The following MYL10 variants were observed in gnomAD, a reference collection of about 807,000 sequenced individuals.
MYL10 encodes the protein myosin regulatory light chain 10.
In MYL10, 18 loss-of-function variants were observed where a neutral mutation model predicts 21.9. The observed-to-expected ratio is 0.82, with a 90% CI of 0.57 to 1.22. The LOEUF is 1.22. MYL10 is among the 50% of genes most tolerant of loss of function. The pLI is 0.00. For synonymous variants in MYL10, 88 were observed against 82.8 expected, an observed-to-expected ratio of 1.06 and a Z score of -0.34; for missense variants, 225 against 230.4, an observed-to-expected ratio of 0.98 and a Z score of 0.15.
intron 6 of MYL10, among the ~76,000 whole-genome samples, chr7:101,614,008 A>G (rs1173974788): frequency 9.2e-5 from 14 of 152,096 alleles, no homozygotes; most frequent in Admixed American, 9.2e-4. Context: ...CAAGCTCTGG[A>G]TCATTGAGGG....
intron 5 of MYL10, among the ~76,000 whole-genome samples, chr7:101,618,742 G>A (rs950290814): frequency 6.6e-6 from 1 of 151,264 alleles, no homozygotes; most frequent in Non-Finnish European, 1.5e-5. Context: ...AGCCTCTCAC[G>A]CAGTCTGGCC....
At chr7:101,613,858 C>A (rs893044774) in intron 6 of MYL10, 148 bp from the exon 7 acceptor site, 4 of 729,862 alleles carry the variant, frequency 5.5e-6, no homozygotes, top group African/African-American at 5.3e-5. Flanking sequence ...GCCAGCCCCC[C>A]CGATGGCCAA....
chr7:101,615,308 G>A (rs1796596298), intron 6 of MYL10, among the ~76,000 whole-genome samples: 1 of 151,880 alleles, frequency 6.6e-6, no homozygotes, highest in Non-Finnish European at 1.5e-5. Flanking sequence ...CCATCTCGAC[G>A]GCCATGACCC....
At chr7:101,615,601 C>CCT (rs1554352177) in intron 6 of MYL10, among the ~76,000 whole-genome samples, 1 of 143,456 alleles carries the variant, frequency 7.0e-6, no homozygotes, top group Non-Finnish European at 1.5e-5. Context: ...CTGTTCCCCC[C>CCT]CTAGCCTGGG....
intron 5 of MYL10, among the ~76,000 whole-genome samples, chr7:101,617,777 C>T (rs1796625422): frequency 6.6e-6 from 1 of 151,632 alleles, no homozygotes; most frequent in Admixed American, 6.6e-5. Flanking sequence ...CCTCTCCCAT[C>T]AAACTGGATC....
At chr7:101,619,385 C>T (rs1445969372) in intron 5 of MYL10, among the ~76,000 whole-genome samples, 1 of 152,194 alleles carries the variant, frequency 6.6e-6, no homozygotes, top group Non-Finnish European at 1.5e-5. Flanking sequence ...GATGAGCCTG[C>T]CCTCCCCAGC....
chr7:101,624,158 G>A lies in MYL10; in HGVS notation c.171+14C>T, dbSNP rs1432759306. The A allele has an allele frequency of 6.4e-7, 1 of 1,561,238 alleles. No individual in the cohort carries two copies. Among genetic ancestry groups the A allele is most frequent in the Non-Finnish European group, 8.8e-7 (1 of 1,134,116 alleles). ...AAGAATCCTCATAACAGCCCCATGG[G>A]GCAGCAGACCAACCTCTTTAAACTC... On this transcript the variant is annotated intron_variant, in intron 2 of 7. Transcript: ENST00000223167.
chr7:101,626,113 A>G (rs1178838154), intron 1 of MYL10, among the ~76,000 whole-genome samples: 2 of 152,202 alleles, frequency 1.3e-5, no homozygotes, highest in African/African-American at 4.8e-5. Flanking sequence ...TCAGGGAAGA[A>G]GGGGGGGTCA....
At position 101,617,420 on chromosome 7, in the gene MYL10, A is replaced by C. The variant is rs113713637; in HGVS notation, c.455-1122T>G. On this transcript the variant is annotated intron_variant, in intron 5 of 7. Transcript: ENST00000223167. ...GGTTTATCATAGAAAAAACAGGCTC[A>C]GAGATGTTTCATTACTTGCCCAAGT... Among the ~76,000 whole-genome samples the C allele has an allele frequency of 5.2e-3, 796 of 152,344 alleles. 8 individuals are homozygous for C. Among genetic ancestry groups the C allele is most frequent in the African/African-American group, 0.018 (748 of 41,582 alleles).
At chr7:101,626,334 G>A (rs1344819577) in intron 1 of MYL10, among the ~76,000 whole-genome samples, 1 of 152,216 alleles carries the variant, frequency 6.6e-6, no homozygotes, top group East Asian at 1.9e-4. Context: ...TGGTCCCCAA[G>A]AAGATCACAG....
chr7:101,618,133 C>G (rs532100378), intron 5 of MYL10, among the ~76,000 whole-genome samples: 43 of 152,386 alleles, frequency 2.8e-4, no homozygotes, highest in African/African-American at 1.0e-3. Flanking sequence ...AAACCTGGCA[C>G]ACACTGGCCT....
intron 5 of MYL10, 35 bp from the exon 6 acceptor site, chr7:101,616,333 A>G (rs1796609531): frequency 6.4e-7 from 1 of 1,555,620 alleles, no homozygotes; most frequent in Non-Finnish European, 8.9e-7. Context: ...GGAGAGAGGC[A>G]GGTGAAGAGG....
intron 5 of MYL10, among the ~76,000 whole-genome samples, chr7:101,621,529 A>T (rs1188206206): frequency 6.6e-6 from 1 of 152,098 alleles, no homozygotes; most frequent in African/African-American, 2.4e-5. Context: ...GTAGGGAGGC[A>T]GCATGGCTGG....
chr7:101,616,406 C>G, intron 5 of MYL10, 108 bp from the exon 6 acceptor site: 1 of 784,602 alleles, frequency 1.3e-6, no homozygotes, highest in South Asian at 1.6e-5. Flanking sequence ...CCCACGGCCC[C>G]TGCACAGAGG....
chr7:101,615,417 C>T (rs992241295), intron 6 of MYL10, among the ~76,000 whole-genome samples: 3 of 151,560 alleles, frequency 2.0e-5, no homozygotes, highest in South Asian at 2.1e-4. Flanking sequence ...CCAGGGCAGA[C>T]GCAGGGTCCA....
chr7:101,616,115 A>G (rs1796606343), intron 6 of MYL10, 105 bp downstream of exon 6: 2 of 893,548 alleles, frequency 2.2e-6, no homozygotes, highest in Middle Eastern at 2.4e-4. Flanking sequence ...GCGGCCCCCC[A>G]GCTCCTGGCT....
At chr7:101,621,930 G>A (rs563053476) in intron 5 of MYL10, among the ~76,000 whole-genome samples, 166 bp downstream of exon 5, 1 of 152,284 alleles carries the variant, frequency 6.6e-6, no homozygotes, top group East Asian at 1.9e-4. Flanking sequence ...GTGAAGAGAG[G>A]GAAACCGAGG....
chr7:101,617,073 C>T (rs1005115429), intron 5 of MYL10, among the ~76,000 whole-genome samples: 28 of 152,368 alleles, frequency 1.8e-4, no homozygotes, highest in African/African-American at 5.5e-4. Flanking sequence ...TCACGGGCTG[C>T]GTGAATGACA....
At chr7:101,619,136 C>T (rs1279198284) in intron 5 of MYL10, among the ~76,000 whole-genome samples, 1 of 152,242 alleles carries the variant, frequency 6.6e-6, no homozygotes, top group Non-Finnish European at 1.5e-5. Flanking sequence ...TTTAACACGC[C>T]TCCTTCAGTT....
Sources: gnomAD v4.1 joint callset for allele counts (sites outside exome capture counted in the v4.1 genomes callset) on GRCh38, gnomAD v4.1.1 for gene constraint, MANE v1.5 for transcripts, NCBI Gene and HGNC (gene_info 2026-07-23, HGNC 2026-07-21) for gene names.